TAB3: variants seen among roughly 807,000 people sequenced by gnomAD.
TAB3 encodes the protein TGF-beta activated kinase 1 (MAP3K7) binding protein 3.
A neutral mutation model predicts 48.1 loss-of-function variants in TAB3; 18 were observed. The ratio of observed to expected loss-of-function variants is 0.37; its 90% CI spans 0.26 to 0.55. The LOEUF (loss-of-function observed/expected upper bound fraction) is 0.55. TAB3 is among the 20% of genes least tolerant of loss of function. The pLI is 0.78. For missense variants in TAB3, 414 were observed against 549.8 expected (o/e 0.75, Z 2.47); for synonymous variants, 185 against 190.2 (o/e 0.97, Z 0.22).
At chrX:30,852,707 TA>T in intron 7 of TAB3, 70 bp downstream of exon 7, 5 of 1,049,911 alleles carry the variant, frequency 4.8e-6, no homozygotes, top group Non-Finnish European at 5.1e-6. Flanking sequence ...GAATAAAGCC[TA>T]AAGAAAAATA....
intron 1 of TAB3, among the ~76,000 whole-genome samples, chrX:30,888,899 G>T (rs1940212309): frequency 8.8e-6 from 1 of 113,162 alleles, no homozygotes; most frequent in Non-Finnish European, 1.9e-5. Flanking sequence ...CTCTCGGGGC[G>T]TCTGGGGCGG....
intron 4 of TAB3, among the ~76,000 whole-genome samples, chrX:30,863,558 C>CTGAT (rs1213745422): frequency 3.6e-5 from 4 of 111,606 alleles, no homozygotes; most frequent in African/African-American, 9.8e-5. Context: ...CACTCAAGAT[C>CTGAT]TGATTGTTTA....
intron 7 of TAB3, among the ~76,000 whole-genome samples, chrX:30,849,112 T>G (rs773088580): frequency 2.8e-4 from 31 of 112,381 alleles, no homozygotes; most frequent in Non-Finnish European, 5.6e-4. Flanking sequence ...ACCATTTAGC[T>G]GGTCAACACT....
chrX:30,829,206 T>C lies in TAB3; in HGVS notation c.*2221A>G, dbSNP rs1168437521. The C allele has an allele frequency of 8.9e-6, 1 of 112,369 alleles. No individual in the cohort carries two copies. Among genetic ancestry groups the C allele is most frequent in the Non-Finnish European group, 1.9e-5 (1 of 53,250 alleles). 9.3% of individuals were successfully genotyped at this position (112,369 alleles called of 1,213,427 possible). A position where few individuals can be genotyped will look rare whatever the true frequency, so the allele number is the denominator to read the frequency against. On this transcript the variant is annotated 3_prime_UTR_variant, in exon 11 of 11. Coordinates refer to ENST00000288422, the MANE Select transcript of TAB3 (RefSeq NM_152787.5). The stretch of plus-strand genomic sequence containing the variant: ...CTGTATAACAGCTTATTAACCTTGA[T>C]GTATTTTCATGCAATAGTTTTAAAG...
rs1055774268 is a variant in TAB3 at position 30,829,840 on chromosome X, T to TG, written c.*1586dup. 5 of 45,849 alleles carry TG rather than the reference T, an allele frequency of 1.1e-4. No individual in the cohort carries two copies. Among genetic ancestry groups the TG allele is most frequent in the Admixed American group, 2.8e-4 (1 of 3,551 alleles). 3.8% of individuals were successfully genotyped at this position (45,849 alleles called of 1,213,427 possible). ...CCAGAGATTACTGCTAAATTAGAAG[T>TG]GGGGGGGCGGTGTAGGGGGGTTGGG... is the stretch of plus-strand genomic sequence containing the variant. On this transcript the variant is annotated 3_prime_UTR_variant, in exon 11 of 11. Transcript: ENST00000288422.
rs1357918972 is a variant in TAB3 at position 30,868,367 on chromosome X, AT to A, written c.-279-819del. The stretch of plus-strand genomic sequence containing the variant: ...ATATATATAGCTTATATATATATAT[AT>A]AGCTTATATATATATAGCTTATATA... On this transcript the variant is annotated intron_variant, in intron 2 of 10. Coordinates refer to ENST00000288422, the MANE Select transcript of TAB3 (RefSeq NM_152787.5). 7.6e-4 allele frequency among the ~76,000 whole-genome samples: 7 copies of A among 9,190 alleles called. 2 individuals are homozygous for A. The African/African-American group carries it at 0.01, about 13-fold the overall frequency. The allele number at this position is 9,190 out of a possible 115,157, so 8.0% of individuals were successfully genotyped here. A position where few individuals can be genotyped will look rare whatever the true frequency, so the allele number is the denominator to read the frequency against.
Position 30,854,252 on chromosome X carries a change from C to T in TAB3, c.1413G>A (p.Val471=). 8.3e-7 allele frequency: 1 copy of T among 1,211,442 alleles called. No homozygotes were observed. The highest frequency in any genetic ancestry group is 1.7e-5 in the African/African-American group (1 of 57,639). ...RATTENLLNL[V]DQEERSAAPE... ...GTGCTGCAGAGCGCTCTTCTTGGTC[C>T]ACTAAATTTAAAAGATTTTCAGTCG... Residue 471 remains valine, a synonymous_variant, in exon 6 of 11, where the codon GTG becomes GTA. Coordinates refer to ENST00000288422, the MANE Select transcript of TAB3 (RefSeq NM_152787.5).
chrX:30,843,591 A>G lies in TAB3; in HGVS notation c.1805-542T>C, dbSNP rs767549416. The G allele has an allele frequency of 2.7e-5, 3 of 112,382 alleles. No homozygotes were observed. In the South Asian group the frequency reaches 1.1e-3, roughly 41 times the overall value. 9.3% of individuals were successfully genotyped at this position (112,382 alleles called of 1,213,427 possible). ...TAAGCAACCTCAATAAATGTGAAAT[A>G]ACATCAGCAGTTTATGTATTCTTAT... is the stretch of plus-strand genomic sequence containing the variant. On this transcript the variant is annotated intron_variant, in intron 8 of 10. Transcript: ENST00000288422.
At chrX:30,859,438 A>G (rs1601823382) in intron 5 of TAB3, 49 bp downstream of exon 5, 1 of 1,021,670 alleles carries the variant, frequency 9.8e-7, no homozygotes, top group East Asian at 3.1e-5. Flanking sequence ...CACCAGCTCT[A>G]ATAGGAAAAA....
At chrX:30,882,738 G>A (rs1940029497) in intron 1 of TAB3, among the ~76,000 whole-genome samples, 1 of 111,992 alleles carries the variant, frequency 8.9e-6, no homozygotes, top group Non-Finnish European at 1.9e-5. Flanking sequence ...GTGCAACATG[G>A]TATCCTGGAA....
chrX:30,830,412 T>C lies in TAB3; in HGVS notation c.*1015A>G, dbSNP rs187739304. The C allele has an allele frequency of 7.3e-4, 81 of 110,853 alleles. No homozygotes were observed. The highest frequency in any genetic ancestry group is 2.3e-3 in the African/African-American group (69 of 30,435). The allele number at this position is 110,853 out of a possible 1,213,427, so 9.1% of individuals were successfully genotyped here. On this transcript the variant is annotated 3_prime_UTR_variant, in exon 11 of 11. Coordinates refer to ENST00000288422, the MANE Select transcript of TAB3 (RefSeq NM_152787.5). ...ATTAGGATTATGGCACAAAGTTTTA[T>C]CTGTGCTGTAAACATCATGAATTTA... is the stretch of plus-strand genomic sequence containing the variant.
intron 1 of TAB3, among the ~76,000 whole-genome samples, chrX:30,877,179 A>G (rs1321629666): frequency 8.9e-6 from 1 of 112,397 alleles, no homozygotes; most frequent in Non-Finnish European, 1.9e-5. Flanking sequence ...GGCAGCTAAA[A>G]GACTGTGTAT....
intron 1 of TAB3, 30 bp downstream of exon 1, chrX:30,889,084 C>A: frequency 8.7e-6 from 1 of 114,814 alleles, no homozygotes; most frequent in South Asian, 3.1e-4. Context: ...CCTGCTCGGG[C>A]AGGTGCCGGG....
intron 8 of TAB3, chrX:30,843,500 T>A (rs1252401765): frequency 8.9e-6 from 1 of 112,138 alleles, no homozygotes; most frequent in African/African-American, 3.2e-5. Flanking sequence ...TCATTATAAA[T>A]TGAACTACAG....
At chrX:30,856,491 AAAT>A (rs1419033637) in intron 5 of TAB3, among the ~76,000 whole-genome samples, 1 of 112,232 alleles carries the variant, frequency 8.9e-6, no homozygotes, top group African/African-American at 3.2e-5. Context: ...TTCTCTAAGG[AAAT>A]ACAGAATTCC....
Position 30,870,471 on chromosome X carries a change from C to G in TAB3, c.-280+1228G>C, listed in dbSNP as rs192651620. 5.4e-5 allele frequency among the ~76,000 whole-genome samples: 6 copies of G among 111,974 alleles called. No individual in the cohort carries two copies. In the East Asian group the frequency reaches 1.7e-3, roughly 31 times the overall value. ...CCATGTCCTCGTAGTGAGAGAAACA[C>G]TGGCAGTTATAATAGAGTGGGGTTG... On this transcript the variant is annotated intron_variant, in intron 2 of 10. Transcript: ENST00000288422.
intron 1 of TAB3, among the ~76,000 whole-genome samples, chrX:30,876,734 T>C (rs1435913147): frequency 9.0e-6 from 1 of 111,261 alleles, no homozygotes; most frequent in Non-Finnish European, 1.9e-5. Flanking sequence ...ACACAGCAGA[T>C]TTTTAAAAGA....
chrX:30,852,657 CAACAAT>C, intron 7 of TAB3, 115 bp downstream of exon 7: 3 of 767,914 alleles, frequency 3.9e-6, no homozygotes, highest in Non-Finnish European at 5.4e-6. Context: ...TTAAAAAAAG[CAACAAT>C]AACAACAACA....
rs367909665 is a variant in TAB3, at chrX:30,866,813, G to A, written c.-91+302C>T. On this transcript the variant is annotated intron_variant, in intron 4 of 10. Transcript: ENST00000288422. ...TGGAGCATAACCTCCCACCTCTTAAGTGTGGAATGCACATGGTGACTGCTT... is the reference window on the plus strand; with the variant it reads ...TGGAGCATAACCTCCCACCTCTTAAATGTGGAATGCACATGGTGACTGCTT... Among the ~76,000 whole-genome samples the A allele has an allele frequency of 1.8e-4, 18 of 102,440 alleles. No individual in the cohort carries two copies. The East Asian group carries it at 3.5e-3, about 20-fold the overall frequency. The allele number at this position is 102,440 out of a possible 115,157, so 89.0% of individuals were successfully genotyped here. A position where few individuals can be genotyped will look rare whatever the true frequency, so the allele number is the denominator to read the frequency against.
Sources: gnomAD v4.1 joint callset for allele counts (sites outside exome capture counted in the v4.1 genomes callset) on GRCh38, gnomAD v4.1.1 for gene constraint, MANE v1.5 for transcripts, NCBI Gene and HGNC (gene_info 2026-07-23, HGNC 2026-07-21) for gene names.